The following BNC2 variants were observed in gnomAD, a reference collection of about 807,000 sequenced individuals.
BNC2 encodes zinc finger protein basonuclin-2.
BNC2 carries 20 observed loss-of-function variants against 76.3 expected under a neutral mutation model. The observed-to-expected ratio is 0.26, with a 90% confidence interval of 0.18 to 0.38. BNC2 has a LOEUF of 0.38. Among genes scored for constraint, BNC2 ranks in the 10% least tolerant of loss-of-function variants. The probability of loss-of-function intolerance (pLI) is 1.00; values close to 1 mark genes in which losing one functional copy is unlikely to be tolerated. For missense variants in BNC2, 1,382 were observed against 1,399.8 expected (o/e 0.99, Z 0.20); for synonymous variants, 582 against 514.8 (o/e 1.13, Z -1.77).
At chr9:16,717,972 G>T (rs1824038029) in intron 3 of BNC2, among the ~76,000 whole-genome samples, 1 of 152,150 alleles carries the variant, frequency 6.6e-6, no homozygotes, top group Non-Finnish European at 1.5e-5. Flanking sequence ...TTTACTAAAA[G>T]GATGTTTTCA....
chr9:16,774,850 G>C (rs1319444828), intron 1 of BNC2, among the ~76,000 whole-genome samples: 1 of 152,150 alleles, frequency 6.6e-6, no homozygotes, highest in African/African-American at 2.4e-5. Context: ...CTTATCTGCT[G>C]GCCTATCCCA....
chr9:16,680,472 A>G (rs1822791742), intron 3 of BNC2, among the ~76,000 whole-genome samples: 2 of 152,140 alleles, frequency 1.3e-5, no homozygotes, highest in South Asian at 4.1e-4. Flanking sequence ...ACACACTAAT[A>G]CTTTTACAAT....
chr9:16,628,960 C>CAGT (rs1447360594), intron 3 of BNC2, among the ~76,000 whole-genome samples: 2 of 152,134 alleles, frequency 1.3e-5, no homozygotes, highest in African/African-American at 2.4e-5. Context: ...ATTAAGTGAT[C>CAGT]AGTAGCTTGT....
At chr9:16,842,181 G>A (rs192009870) in intron 1 of BNC2, among the ~76,000 whole-genome samples, 1 of 152,246 alleles carries the variant, frequency 6.6e-6, no homozygotes, top group African/African-American at 2.4e-5. Flanking sequence ...TTTAACATAT[G>A]AACCTCCACT....
At chr9:16,667,109 G>GCACACACACA (rs749469103) in intron 3 of BNC2, among the ~76,000 whole-genome samples, 3 of 144,442 alleles carry the variant, frequency 2.1e-5, no homozygotes, top group Admixed American at 6.9e-5. Flanking sequence ...ACACACACAC[G>GCACACACACA]CACACACGCA....
rs535119022 is a variant in BNC2, at chr9:16,413,002, C to T, written c.*5987G>A. On this transcript the variant is annotated 3_prime_UTR_variant, in exon 7 of 7. Transcript: ENST00000380672. ...AGGGTGTTGTCTGCTGTTAGTGTGA[C>T]AGTCTTGTCAGCAGCGTTCACATTA... 3.3e-5 allele frequency: 5 copies of T among 152,704 alleles called. No individual in the cohort carries two copies. Among genetic ancestry groups the T allele is most frequent in the African/African-American group, 7.2e-5 (3 of 41,532 alleles). The allele number at this position is 152,704 out of a possible 1,614,324, so 9.5% of individuals were successfully genotyped here.
chr9:16,812,855 TTAGTAG>T (rs947389771), intron 1 of BNC2, among the ~76,000 whole-genome samples: 1 of 152,138 alleles, frequency 6.6e-6, no homozygotes, highest in African/African-American at 2.4e-5. Flanking sequence ...AAACACACAC[TTAGTAG>T]TATATTTTAG....
intron 3 of BNC2, among the ~76,000 whole-genome samples, chr9:16,603,075 G>C (rs1035468848): frequency 6.8e-4 from 104 of 152,218 alleles, no homozygotes; most frequent in Non-Finnish European, 5.0e-4. Context: ...GCTTCGAAAA[G>C]ATGCTGATGG....
chr9:16,460,682 A>C (rs1821559368), intron 5 of BNC2, among the ~76,000 whole-genome samples: 1 of 152,190 alleles, frequency 6.6e-6, no homozygotes, highest in African/African-American at 2.4e-5. Flanking sequence ...ATGGAGTCAC[A>C]GAGCGGTGCT....
At chr9:16,835,464 C>T (rs1016231423) in intron 1 of BNC2, among the ~76,000 whole-genome samples, 12 of 151,526 alleles carry the variant, frequency 7.9e-5, no homozygotes, top group Non-Finnish European at 1.5e-4. Flanking sequence ...TTTGGGAGGC[C>T]GAGGCAGGCA....
intron 1 of BNC2, among the ~76,000 whole-genome samples, chr9:16,854,674 T>A (rs1427194476): frequency 6.6e-6 from 1 of 152,054 alleles, no homozygotes; most frequent in Admixed American, 6.5e-5. Flanking sequence ...GAGACTGCCA[T>A]CTGCATTAGA....
At chr9:16,510,618 G>A (rs1402591656) in intron 5 of BNC2, among the ~76,000 whole-genome samples, 1 of 152,198 alleles carries the variant, frequency 6.6e-6, no homozygotes, top group African/African-American at 2.4e-5. Flanking sequence ...TCCTAGGTCA[G>A]AAATCAACAG....
chr9:16,818,689 TA>T (rs1354605370), intron 1 of BNC2, among the ~76,000 whole-genome samples: 5 of 151,434 alleles, frequency 3.3e-5, no homozygotes, highest in African/African-American at 1.2e-4. Context: ...GAGTCTGAAC[TA>T]GTTTTTACTG....
chr9:16,733,246 C>G (rs898847218), intron 2 of BNC2, among the ~76,000 whole-genome samples: 2 of 152,096 alleles, frequency 1.3e-5, no homozygotes, highest in African/African-American at 4.8e-5. Flanking sequence ...TAAAGGAAAC[C>G]TCTTCTGAAA....
chr9:16,567,327 T>C (rs867058846), intron 4 of BNC2, among the ~76,000 whole-genome samples: 4 of 151,900 alleles, frequency 2.6e-5, no homozygotes, highest in African/African-American at 9.7e-5. Flanking sequence ...TAAAGTAATA[T>C]GTACTTTTAA....
At chr9:16,625,833 T>C (rs557383753) in intron 3 of BNC2, 1 of 152,342 alleles carries the variant, frequency 6.6e-6, no homozygotes, top group Admixed American at 6.5e-5. Flanking sequence ...TAGGAATGCA[T>C]GTGTGGCGGT....
intron 6 of BNC2, among the ~76,000 whole-genome samples, chr9:16,430,810 T>C (rs1034337420): frequency 1.3e-5 from 2 of 152,234 alleles, no homozygotes; most frequent in African/African-American, 4.8e-5. Flanking sequence ...TCTTCCGCCA[T>C]AGGAATACAG....
intron 3 of BNC2, among the ~76,000 whole-genome samples, chr9:16,678,781 G>A (rs184380312): frequency 1.0e-3 from 153 of 151,446 alleles, no homozygotes; most frequent in African/African-American, 3.5e-3. Flanking sequence ...GATCCATTTA[G>A]TGCACAAAAA....
chr9:16,546,766 T>C (rs1192876740), intron 5 of BNC2, among the ~76,000 whole-genome samples: 1 of 152,078 alleles, frequency 6.6e-6, no homozygotes, highest in Non-Finnish European at 1.5e-5. Flanking sequence ...CCTCTTCTCT[T>C]CCCCCAAATC....
Sources: gnomAD v4.1 joint callset for allele counts (sites outside exome capture counted in the v4.1 genomes callset) on GRCh38, gnomAD v4.1.1 for gene constraint, MANE v1.5 for transcripts, NCBI Gene and HGNC (gene_info 2026-07-23, HGNC 2026-07-21) for gene names.